Variants in SLC39A12 observed in about 807,000 individuals in gnomAD.
SLC39A12 encodes zinc transporter ZIP12.
SLC39A12 carries 63 observed loss-of-function variants against 71.1 expected under a neutral mutation model. The ratio of observed to expected loss-of-function variants is 0.89; its 90% CI spans 0.72 to 1.09. The LOEUF is 1.09. Ranked by LOEUF, SLC39A12 falls within the 50% of genes least tolerant of loss-of-function variation. The pLI is 0.00. For missense variants in SLC39A12, 892 were observed against 812.6 expected, an observed-to-expected ratio of 1.10 and a Z score of -1.19; for synonymous variants, 351 against 301.3, an observed-to-expected ratio of 1.16 and a Z score of -1.71.
intron 6 of SLC39A12, among the ~76,000 whole-genome samples, chr10:17,982,893 A>G (rs983192233): frequency 6.6e-6 from 1 of 152,138 alleles, no homozygotes; most frequent in African/African-American, 2.4e-5. Context: ...CACACTCACT[A>G]AAGAATCTAG....
chr10:18,028,977 C>T (rs1449377460), intron 12 of SLC39A12, among the ~76,000 whole-genome samples: 1 of 152,198 alleles, frequency 6.6e-6, no homozygotes, highest in East Asian at 1.9e-4. Context: ...GCCTCAGCCT[C>T]CCAAAGTGCT....
intron 12 of SLC39A12, among the ~76,000 whole-genome samples, chr10:18,021,728 A>C (rs1836538322): frequency 6.6e-6 from 1 of 152,144 alleles, no homozygotes; most frequent in Non-Finnish European, 1.5e-5. Context: ...TAGTCTATGT[A>C]CTTGAGTGTG....
intron 6 of SLC39A12, among the ~76,000 whole-genome samples, chr10:17,982,647 ACT>A (rs1835290315): frequency 6.6e-6 from 1 of 152,118 alleles, no homozygotes; most frequent in Non-Finnish European, 1.5e-5. Context: ...CAGCCAAATA[ACT>A]CAGCACTTGG....
intron 2 of SLC39A12, among the ~76,000 whole-genome samples, chr10:17,956,681 C>T (rs1834558155): frequency 6.6e-6 from 1 of 152,284 alleles, no homozygotes. Flanking sequence ...GGATTTTAAA[C>T]GAAGTTCTCC....
At chr10:18,020,328 G>A (rs2488117) in intron 12 of SLC39A12, among the ~76,000 whole-genome samples, 34,634 of 151,810 alleles carry the variant, frequency 0.23, 4,853 homozygotes, top group African/African-American at 0.38. Flanking sequence ...ATAGTATTCC[G>A]TGGTGTATTT....
At chr10:18,033,414 C>T (rs961968050) in intron 12 of SLC39A12, among the ~76,000 whole-genome samples, 1 of 151,438 alleles carries the variant, frequency 6.6e-6, no homozygotes, top group South Asian at 2.1e-4. Context: ...TCCATTTCTT[C>T]TAGATTTTCT....
chr10:18,036,903 C>T (rs557480152), intron 12 of SLC39A12, among the ~76,000 whole-genome samples: 2 of 151,054 alleles, frequency 1.3e-5, no homozygotes, highest in East Asian at 3.9e-4. Context: ...TCTCTTGCCT[C>T]AGCCTTTCAA....
chr10:18,003,339 A>G lies in SLC39A12; in HGVS notation c.1928A>G (p.Tyr643Cys). The G allele has an allele frequency of 1.2e-6, 2 of 1,610,148 alleles. No homozygotes were observed. The highest frequency in any genetic ancestry group is 8.5e-7 in the Non-Finnish European group (1 of 1,179,000). Reference protein sequence around the residue: ...IFTVTAGMFLYLSLVEMLPEM... With the variant: ...IFTVTAGMFLCLSLVEMLPEM... The stretch of plus-strand genomic sequence containing the variant: ...ACAGTCACTGCTGGGATGTTCTTAT[A>G]TTTATCCTTGGTTGAAATGGTAAGC... Residue 643 changes from tyrosine to cysteine, a missense_variant, in exon 12 of 13, where the codon TAT becomes TGT. Tyr to Cys is a radical substitution (Grantham distance 194, BLOSUM62 -2). Transcript: ENST00000377369.
In SLC39A12 at chr10:18,041,767, G is replaced by GTA. The variant is rs1300008353; in HGVS notation, c.1948-935_1948-934dup. ...TACATGTATATATGTGTATACATATGTATACATATGTATATACATATGTGT... is the reference window on the plus strand; with the variant it reads ...TACATGTATATATGTGTATACATATGTATATACATATGTATATACATATGTGT... On this transcript the variant is annotated intron_variant, in intron 12 of 12. Transcript: ENST00000377369. Among the ~76,000 whole-genome samples the GTA allele has an allele frequency of 1.3e-4, 19 of 141,660 alleles. 1 individual carries two copies. The highest frequency in any genetic ancestry group is 2.9e-4 in the Admixed American group (4 of 14,026). 92.9% of individuals were successfully genotyped at this position (141,660 alleles called of 152,430 possible).
chr10:18,016,171 G>A (rs1836376457), intron 12 of SLC39A12, among the ~76,000 whole-genome samples: 1 of 152,090 alleles, frequency 6.6e-6, no homozygotes, highest in African/African-American at 2.4e-5. Flanking sequence ...CTGCCTAAAT[G>A]TCCCCTGTGT....
intron 6 of SLC39A12, 84 bp downstream of exon 6, chr10:17,981,567 C>A: frequency 8.9e-7 from 1 of 1,117,448 alleles, no homozygotes; most frequent in East Asian, 2.5e-5. Context: ...TACTATATAC[C>A]AGGCTCTGTT....
chr10:18,025,732 C>A (rs1836659862), intron 12 of SLC39A12, among the ~76,000 whole-genome samples: 1 of 152,054 alleles, frequency 6.6e-6, no homozygotes, highest in African/African-American at 2.4e-5. Flanking sequence ...GATTTATAAT[C>A]CTTTGGGTAT....
intron 10 of SLC39A12, among the ~76,000 whole-genome samples, chr10:17,996,016 C>G (rs980183034): frequency 6.6e-6 from 1 of 152,124 alleles, no homozygotes; most frequent in Non-Finnish European, 1.5e-5. Flanking sequence ...TTTATCATAG[C>G]TCATTTCTAA....
At chr10:17,965,758 G>C (rs1834810692) in intron 4 of SLC39A12, 68 bp downstream of exon 4, 1 of 1,300,474 alleles carries the variant, frequency 7.7e-7, no homozygotes. Flanking sequence ...AAAAACAAAG[G>C]CCAAAGCTCT....
intron 12 of SLC39A12, among the ~76,000 whole-genome samples, chr10:18,023,963 A>G (rs1389181454): frequency 1.3e-5 from 2 of 152,150 alleles, no homozygotes; most frequent in African/African-American, 4.8e-5. Context: ...GGAGGCCTGC[A>G]AGTCTTAGAC....
chr10:17,976,499 C>A (rs1835113067), intron 4 of SLC39A12, among the ~76,000 whole-genome samples: 1 of 152,168 alleles, frequency 6.6e-6, no homozygotes, highest in African/African-American at 2.4e-5. Context: ...CTCACTGCAA[C>A]CTCCACCCTC....
chr10:17,957,628 C>T (rs1424793018), intron 2 of SLC39A12, among the ~76,000 whole-genome samples: 3 of 152,118 alleles, frequency 2.0e-5, no homozygotes, highest in African/African-American at 4.8e-5. Flanking sequence ...CTCTCCCAAA[C>T]ACAACTGAGC....
chr10:17,978,616 C>G (rs954924467), intron 5 of SLC39A12, among the ~76,000 whole-genome samples: 1 of 152,138 alleles, frequency 6.6e-6, no homozygotes, highest in African/African-American at 2.4e-5. Context: ...CAAATACGGT[C>G]TCTTCATGGA....
intron 12 of SLC39A12, among the ~76,000 whole-genome samples, chr10:18,030,207 T>C (rs559041294): frequency 3.1e-4 from 47 of 152,332 alleles, no homozygotes; most frequent in African/African-American, 1.1e-3. Flanking sequence ...GAACTTTTTT[T>C]GAAATGTTGA....
Sources: allele counts gnomAD v4.1 joint callset (sites outside exome capture counted in the v4.1 genomes callset), GRCh38; gene constraint gnomAD v4.1.1; transcripts MANE v1.5; gene names NCBI Gene and HGNC (gene_info 2026-07-23, HGNC 2026-07-21).